APTX: variants seen among roughly 807,000 people sequenced by gnomAD.
APTX encodes aprataxin, also known as forkhead-associated domain histidine triad-like protein.
A neutral mutation model predicts 42.3 loss-of-function variants in APTX; 33 were observed. That is an observed-to-expected ratio of 0.78 (90% confidence interval 0.59 to 1.04). The LOEUF (loss-of-function observed/expected upper bound fraction) is 1.04. Ranked by LOEUF, APTX falls within the 50% of genes least tolerant of loss-of-function variation. APTX has a pLI of 0.00. For synonymous variants in APTX, 130 were observed against 146.7 expected, an observed-to-expected ratio of 0.89 and a Z score of 0.82; for missense variants, 421 against 415.1, an observed-to-expected ratio of 1.01 and a Z score of -0.12.
chr9:33,001,361 CAA>C (rs1836410730), intron 1 of APTX: 1 of 1,529,546 alleles, frequency 6.5e-7, no homozygotes, highest in African/African-American at 1.4e-5. Context: ...TGAACAAACG[CAA>C]AGTGGGTCGA....
At chr9:33,023,001 C>CT (rs1838513605) in intron 1 of APTX, among the ~76,000 whole-genome samples, 2 of 152,164 alleles carry the variant, frequency 1.3e-5, no homozygotes, top group Admixed American at 1.3e-4. Flanking sequence ...CACACTAACT[C>CT]TAATTTTTGT....
intron 6 of APTX, among the ~76,000 whole-genome samples, chr9:32,974,835 G>A (rs1002013951): frequency 6.6e-6 from 1 of 152,024 alleles, no homozygotes; most frequent in African/African-American, 2.4e-5. Context: ...TGCCCTTATA[G>A]AAATTGTACG....
chr9:33,021,406 C>T (rs932776945), intron 1 of APTX, among the ~76,000 whole-genome samples: 3 of 151,884 alleles, frequency 2.0e-5, no homozygotes, highest in Non-Finnish European at 4.4e-5. Flanking sequence ...GGGGAATCTG[C>T]CAGAAATATT....
intron 1 of APTX, chr9:33,001,341 G>C: frequency 1.3e-6 from 2 of 1,526,418 alleles, no homozygotes; most frequent in Non-Finnish European, 8.8e-7. Context: ...ACAGGTGTCG[G>C]GAGCACACGT....
At chr9:32,996,047 A>G (rs1452047465) in intron 1 of APTX, among the ~76,000 whole-genome samples, 1 of 152,132 alleles carries the variant, frequency 6.6e-6, no homozygotes, top group East Asian at 1.9e-4. Flanking sequence ...AATTTTTAGC[A>G]AAGTACTTTT....
chr9:33,005,429 T>TTTTTTG (rs373118617), upstream of APTX, among the ~76,000 whole-genome samples: 7 of 152,122 alleles, frequency 4.6e-5, no homozygotes, highest in East Asian at 9.6e-4. Flanking sequence ...TATTTTTTTG[T>TTTTTTG]TTTTTGTTTT....
chr9:33,001,632 G>T (rs1292071542), upstream of APTX: 2 of 1,613,456 alleles, frequency 1.2e-6, no homozygotes, highest in South Asian at 1.1e-5. Flanking sequence ...CGGCGCTGCG[G>T]GATGACGTCA....
At chr9:33,024,781 A>G (rs1014483237) in intron 1 of APTX, 1 of 148,212 alleles carries the variant, frequency 6.7e-6, no homozygotes, top group Non-Finnish European at 1.5e-5. Context: ...GGCCTATGCT[A>G]TTGGTCTGGG....
At chr9:32,991,051 C>T (rs1223222768) in intron 1 of APTX, among the ~76,000 whole-genome samples, 7 of 152,074 alleles carry the variant, frequency 4.6e-5, no homozygotes, top group African/African-American at 1.7e-4. Flanking sequence ...CTCAGCCTCC[C>T]GAGTAGCTGG....
In APTX at chr9:33,023,449, C is replaced by G. The variant is rs1838562662; in HGVS notation, c.-5+1574G>C. ...AAGTTGGCCAGGCTGGTCTAGAACT[C>G]CGGATCTCAGGTGATCCGCCACCTT... On this transcript the variant is annotated intron_variant, in intron 1 of 6. Transcript: ENST00000436040. Among the ~76,000 whole-genome samples the G allele has an allele frequency of 2.0e-5, 3 of 151,628 alleles. No individual in the cohort carries two copies. In the South Asian group the frequency reaches 6.2e-4, roughly 32 times the overall value.
rs1833104308 is a variant in APTX, at chr9:32,989,748, T to A, written c.133+11A>T. ...AACCATAGTAATCTCCACATTTCTA[T>A]GACCAGTTACCTTGCTGTCGAGAAC... On this transcript the variant is annotated intron_variant, in intron 2 of 7. Coordinates refer to ENST00000379817, the MANE Select transcript of APTX (RefSeq NM_001195248.2). 1 of 1,614,270 alleles carries A rather than the reference T, an allele frequency of 6.2e-7. No homozygotes were observed. The highest frequency in any genetic ancestry group is 1.3e-5 in the African/African-American group (1 of 75,080).
At chr9:32,978,808 C>T (rs10971259) in intron 6 of APTX, among the ~76,000 whole-genome samples, 26,149 of 152,086 alleles carry the variant, frequency 0.17, 2,461 homozygotes, top group East Asian at 0.41. Flanking sequence ...TAACTACAAG[C>T]CAGATGAGCA....
At chr9:33,022,015 C>A in intron 1 of APTX, among the ~76,000 whole-genome samples, 1 of 149,986 alleles carries the variant, frequency 6.7e-6, no homozygotes, top group Non-Finnish European at 1.5e-5. Context: ...ACCTGTAAAC[C>A]TGGGACAACA....
intron 1 of APTX, among the ~76,000 whole-genome samples, chr9:32,996,303 G>GT (rs1834920901): frequency 6.6e-6 from 1 of 150,460 alleles, no homozygotes; most frequent in Non-Finnish European, 1.5e-5. Context: ...CTGAGACAGG[G>GT]TCTCACTCTG....
chr9:32,992,318 C>A (rs1432713536), intron 1 of APTX, among the ~76,000 whole-genome samples: 1 of 152,188 alleles, frequency 6.6e-6, no homozygotes, highest in Non-Finnish European at 1.5e-5. Flanking sequence ...CAAATGACAG[C>A]TGAGGAGATG....
At position 32,987,859 on chromosome 9, in the gene APTX, C is replaced by A; in HGVS notation, c.181-13G>T. On this transcript the variant is annotated splice_polypyrimidine_tract_variant and intron_variant, in intron 3 of 7. Coordinates refer to ENST00000379817, the MANE Select transcript of APTX (RefSeq NM_001195248.2). Reference sequence around the variant, plus strand: ...GATTGACTCCTACCTATGGAATAAACAATCAGAAAATAATTATAATAATAG... The same window carrying A: ...GATTGACTCCTACCTATGGAATAAAAAATCAGAAAATAATTATAATAATAG... 6.2e-7 allele frequency: 1 copy of A among 1,612,416 alleles called. No individual in the cohort carries two copies. Among genetic ancestry groups the A allele is most frequent in the Non-Finnish European group, 8.5e-7 (1 of 1,179,820 alleles).
chr9:33,021,375 A>C (rs1038901205), intron 1 of APTX, among the ~76,000 whole-genome samples: 2 of 152,222 alleles, frequency 1.3e-5, no homozygotes, highest in African/African-American at 4.8e-5. Flanking sequence ...TAATCACAAT[A>C]AAACTCACAA....
upstream of APTX, chr9:33,001,641 C>T (rs761383909): frequency 2.5e-6 from 4 of 1,612,602 alleles, no homozygotes; most frequent in South Asian, 1.1e-5. Context: ...GGGATGACGT[C>T]AGAGGCCGGC....
chr9:32,994,495 A>G (rs1834372337), intron 1 of APTX, among the ~76,000 whole-genome samples: 1 of 152,110 alleles, frequency 6.6e-6, no homozygotes, highest in South Asian at 2.1e-4. Flanking sequence ...ACACATACAT[A>G]CTGGCATACC....
Sources: gnomAD v4.1 joint callset for allele counts (sites outside exome capture counted in the v4.1 genomes callset) on GRCh38, gnomAD v4.1.1 for gene constraint, MANE v1.5 for transcripts, NCBI Gene and HGNC (gene_info 2026-07-23, HGNC 2026-07-21) for gene names.